RSPO2: variants seen among roughly 807,000 people sequenced by gnomAD.
The protein encoded by RSPO2 is R-spondin 2.
A neutral mutation model predicts 30.9 loss-of-function variants in RSPO2; 14 were observed. That is an observed-to-expected ratio of 0.45 (90% CI 0.30 to 0.71). The LOEUF (loss-of-function observed/expected upper bound fraction) is 0.71. RSPO2 is among the 30% of genes least tolerant of loss of function. The probability of loss-of-function intolerance (pLI) is 0.08; values close to 1 mark genes in which losing one functional copy is unlikely to be tolerated. For synonymous variants in RSPO2, 107 were observed against 96.4 expected, an observed-to-expected ratio of 1.11 and a Z score of -0.64; for missense variants, 264 against 301.9, an observed-to-expected ratio of 0.87 and a Z score of 0.93.
At chr8:107,916,859 A>G (rs1349407894) in intron 5 of RSPO2, among the ~76,000 whole-genome samples, 1 of 152,224 alleles carries the variant, frequency 6.6e-6, no homozygotes, top group Non-Finnish European at 1.5e-5. Context: ...TGTGTAACAG[A>G]AAATTGTAAA....
At chr8:108,003,315 T>TTA (rs1815343397) in intron 2 of RSPO2, among the ~76,000 whole-genome samples, 3 of 10,106 alleles carry the variant, frequency 3.0e-4, no homozygotes, top group Non-Finnish European at 7.6e-4. Context: ...ATATATATTT[T>TTA]TTTTTTTTTT....
chr8:107,932,644 T>C (rs1355785355), intron 5 of RSPO2, among the ~76,000 whole-genome samples: 1 of 152,120 alleles, frequency 6.6e-6, no homozygotes, highest in Non-Finnish European at 1.5e-5. Context: ...AAAAAGTTTA[T>C]CTCTTTCACA....
intron 2 of RSPO2, among the ~76,000 whole-genome samples, chr8:108,004,219 G>T (rs1190066438): frequency 6.6e-6 from 1 of 152,168 alleles, no homozygotes; most frequent in African/African-American, 2.4e-5. Flanking sequence ...AGGTTAAAGA[G>T]AAATCTTCAG....
intron 5 of RSPO2, among the ~76,000 whole-genome samples, chr8:107,920,147 T>C (rs1812110753): frequency 1.0e-5 from 1 of 95,470 alleles, no homozygotes; most frequent in Admixed American, 1.2e-4. Context: ...GGAAGAATGA[T>C]GCCTGCCAGA....
chr8:107,963,725 A>G (rs577952012), intron 3 of RSPO2, among the ~76,000 whole-genome samples: 3 of 152,164 alleles, frequency 2.0e-5, no homozygotes, highest in East Asian at 3.9e-4. Context: ...TTAAAGTATC[A>G]TAGAAAAGGT....
chr8:108,068,607 C>A (rs1812743544), intron 2 of RSPO2, among the ~76,000 whole-genome samples: 1 of 152,274 alleles, frequency 6.6e-6, no homozygotes, highest in Admixed American at 6.5e-5. Flanking sequence ...GTGAATGTGG[C>A]CTTATTTGCA....
chr8:108,058,596 C>T (rs202176498), intron 2 of RSPO2, among the ~76,000 whole-genome samples: 7 of 151,924 alleles, frequency 4.6e-5, no homozygotes, highest in Non-Finnish European at 8.8e-5. Flanking sequence ...GACTTCAAAC[C>T]ATACTACAAG....
intron 2 of RSPO2, among the ~76,000 whole-genome samples, chr8:108,063,037 T>C (rs955253551): frequency 3.3e-5 from 5 of 150,700 alleles, no homozygotes; most frequent in Non-Finnish European, 4.4e-5. Flanking sequence ...TATCTCAAAA[T>C]AATAAGAGCT....
chr8:107,999,882 T>C (rs1815172981), intron 2 of RSPO2, among the ~76,000 whole-genome samples: 1 of 152,154 alleles, frequency 6.6e-6, no homozygotes, highest in East Asian at 1.9e-4. Flanking sequence ...GCCAGCACCA[T>C]TCCAGTTGTA....
intron 2 of RSPO2, among the ~76,000 whole-genome samples, chr8:108,006,951 C>T (rs1162600505): frequency 6.6e-6 from 1 of 152,060 alleles, no homozygotes; most frequent in African/African-American, 2.4e-5. Flanking sequence ...AGTACACCAC[C>T]CTATATTCTT....
intron 2 of RSPO2, among the ~76,000 whole-genome samples, chr8:108,065,659 TA>T (rs57299718): frequency 0.11 from 13,236 of 117,056 alleles, 1,720 homozygotes; most frequent in African/African-American, 0.34. Flanking sequence ...GCAGAAGGAA[TA>T]AAAAAAAAAA....
chr8:108,066,285 T>C (rs895913606), intron 2 of RSPO2, among the ~76,000 whole-genome samples: 5 of 152,184 alleles, frequency 3.3e-5, no homozygotes, highest in African/African-American at 1.2e-4. Flanking sequence ...AAGTACTGTT[T>C]TTCCATCCAA....
chr8:108,064,179 C>G (rs200329974), intron 2 of RSPO2, among the ~76,000 whole-genome samples: 432 of 152,004 alleles, frequency 2.8e-3, no homozygotes, highest in African/African-American at 6.6e-3. Context: ...ATTGACAAAT[C>G]GGATCTAATT....
chr8:108,002,580 T>C (rs1815287502), intron 2 of RSPO2, among the ~76,000 whole-genome samples: 1 of 152,188 alleles, frequency 6.6e-6, no homozygotes. Context: ...TTATCCCTCA[T>C]ATATCACCTG....
chr8:107,977,339 G>A (rs1814251415), intron 3 of RSPO2, among the ~76,000 whole-genome samples: 1 of 152,188 alleles, frequency 6.6e-6, no homozygotes, highest in South Asian at 2.1e-4. Context: ...TGTTAAAAAT[G>A]CAAATTCTCG....
intron 2 of RSPO2, among the ~76,000 whole-genome samples, chr8:108,081,487 C>T (rs1309180681): frequency 6.6e-6 from 1 of 152,214 alleles, no homozygotes; most frequent in African/African-American, 2.4e-5. Context: ...AGACAGCTCT[C>T]ACCAGGTCCC....
At chr8:108,058,585 T>A (rs1239138707) in intron 2 of RSPO2, among the ~76,000 whole-genome samples, 1 of 151,464 alleles carries the variant, frequency 6.6e-6, no homozygotes, top group Non-Finnish European at 1.5e-5. Context: ...TCACACTACC[T>A]GACTTCAAAC....
At chr8:108,000,218 C>T (rs1463868222) in intron 2 of RSPO2, among the ~76,000 whole-genome samples, 2 of 152,128 alleles carry the variant, frequency 1.3e-5, no homozygotes, top group South Asian at 2.1e-4. Flanking sequence ...ACAATTTACA[C>T]ACATCATTAA....
chr8:108,072,559 C>T (rs917040738), intron 2 of RSPO2, among the ~76,000 whole-genome samples: 2 of 147,208 alleles, frequency 1.4e-5, no homozygotes, highest in East Asian at 4.0e-4. Context: ...AGGATAGTCT[C>T]GATCTCCTGA....
Sources: gnomAD v4.1 joint callset for allele counts (sites outside exome capture counted in the v4.1 genomes callset) on GRCh38, gnomAD v4.1.1 for gene constraint, MANE v1.5 for transcripts, NCBI Gene and HGNC (gene_info 2026-07-23, HGNC 2026-07-21) for gene names.